The following OSR1 variants were observed in gnomAD, a reference collection of about 807,000 sequenced individuals.
OSR1 encodes the protein protein odd-skipped-related 1.
A neutral mutation model predicts 15.7 loss-of-function variants in OSR1; 3 were observed. The ratio of observed to expected loss-of-function variants is 0.19; its 90% CI spans 0.09 to 0.50. OSR1 has a LOEUF of 0.50. Among genes scored for constraint, OSR1 ranks in the 20% least tolerant of loss-of-function variants. The pLI is 0.97. For synonymous variants in OSR1, 166 were observed against 152.7 expected (o/e 1.09, Z -0.64); for missense variants, 271 against 351.1 (o/e 0.77, Z 1.82).
intron 2 of OSR1, 45 bp downstream of exon 2, chr2:19,353,096 G>T: frequency 6.3e-7 from 1 of 1,597,090 alleles, no homozygotes. Context: ...AGATGGTGAG[G>T]CCAGAGGCAG....
Position 19,353,075 on chromosome 2 carries a change from G to A in OSR1, c.665+66C>T, listed in dbSNP as rs911918365. ...GCCAGTAGGGGGTCTCAAGAACCTC[G>A]TTAGGGAGAAAGATGGTGAGGCCAG... is the stretch of plus-strand genomic sequence containing the variant. On this transcript the variant is annotated intron_variant, in intron 2 of 2. Coordinates refer to ENST00000272223, the MANE Select transcript of OSR1 (RefSeq NM_145260.3). The A allele has an allele frequency of 3.8e-6, 6 of 1,566,078 alleles. No individual in the cohort carries two copies. The African/African-American group carries it at 5.4e-5, about 14-fold the overall frequency.
Position 19,353,137 on chromosome 2 carries a change from G to T in OSR1, c.665+4C>A. ...TCTCTCTTGCGCCACCCGCAGTGCC[G>T]CACCTGTGGTCTCGCAGGTGGTCTT... On this transcript the variant is annotated splice_donor_region_variant and intron_variant, in intron 2 of 2. Coordinates refer to ENST00000272223, the MANE Select transcript of OSR1 (RefSeq NM_145260.3). 6.2e-7 allele frequency: 1 copy of T among 1,612,434 alleles called. No individual in the cohort carries two copies. Among genetic ancestry groups the T allele is most frequent in the Non-Finnish European group, 8.5e-7 (1 of 1,178,606 alleles).
chr2:19,347,298 G>C (rs1341220493), downstream of OSR1, among the ~76,000 whole-genome samples: 1 of 152,156 alleles, frequency 6.6e-6, no homozygotes, highest in African/African-American at 2.4e-5. Flanking sequence ...TTCAAGCAGT[G>C]AATACATTAT....
In OSR1 at chr2:19,357,316, G is replaced by A. The variant is rs907149778; in HGVS notation, c.-33+1025C>T. Among the ~76,000 whole-genome samples the A allele has an allele frequency of 6.6e-5, 10 of 152,196 alleles. No homozygotes were observed. The highest frequency in any genetic ancestry group is 2.2e-4 in the African/African-American group (9 of 41,450). On this transcript the variant is annotated intron_variant, in intron 1 of 2. Coordinates refer to ENST00000272223, the MANE Select transcript of OSR1 (RefSeq NM_145260.3). This position sits in a 1 kb window ranked among gnomAD's most constrained non-coding sequence, Gnocchi z 5.0. ...CTTGCACGTGGTTTTGTTCCGCAGA[G>A]CCAATGCGCAGCTCTTAGCCTGGGT...
Position 19,357,334 on chromosome 2 carries a change from G to T in OSR1, c.-33+1007C>A, listed in dbSNP as rs534849207. ...CCGCAGAGCCAATGCGCAGCTCTTA[G>T]CCTGGGTGAAATTTACCAAATTGTG... On this transcript the variant is annotated intron_variant, in intron 1 of 2. Coordinates refer to ENST00000272223, the MANE Select transcript of OSR1 (RefSeq NM_145260.3). The surrounding 1 kb of genome is among the most constrained non-coding windows in gnomAD (Gnocchi z 5.0). 8.5e-5 allele frequency among the ~76,000 whole-genome samples: 13 copies of T among 152,300 alleles called. No individual in the cohort carries two copies. In the South Asian group the frequency reaches 2.7e-3, roughly 32 times the overall value.
chr2:19,352,334 C>A lies in OSR1; in HGVS notation c.742G>T (p.Val248Phe). Reference sequence around the variant, plus strand: ...ACCTGTGAGTGTAGCGTCTTGTGGACAGCGAGAGTCCTGGACTGGCAGAAT... The same window carrying A: ...ACCTGTGAGTGTAGCGTCTTGTGGAAAGCGAGAGTCCTGGACTGGCAGAAT... Reference protein sequence around the residue: ...KGFCQSRTLAVHKTLHSQVKE... With the variant: ...KGFCQSRTLAFHKTLHSQVKE... Residue 248 changes from valine (V) to phenylalanine (F), a missense_variant, in exon 3 of 3, where the codon GTC (valine) becomes TTC (phenylalanine). Physicochemically the swap from Val to Phe is conservative, Grantham distance 50. Coordinates refer to ENST00000272223, the MANE Select transcript of OSR1 (RefSeq NM_145260.3). The A allele has an allele frequency of 6.2e-7, 1 of 1,614,172 alleles. No individual in the cohort carries two copies.
intron 1 of OSR1, chr2:19,356,319 G>A (rs1052861658): frequency 4.6e-5 from 7 of 152,216 alleles, no homozygotes; most frequent in Non-Finnish European, 8.8e-5. Context: ...CTATCTGCCC[G>A]ATCTTGTTTT....
downstream of OSR1, among the ~76,000 whole-genome samples, chr2:19,347,034 C>T (rs12710706): frequency 0.44 from 67,616 of 152,032 alleles, 15,521 homozygotes; most frequent in East Asian, 0.69. Context: ...TTGCTCCCTA[C>T]GTCATTGAAA....
downstream of OSR1, among the ~76,000 whole-genome samples, chr2:19,350,029 T>C (rs1023816688): frequency 2.0e-5 from 3 of 152,188 alleles, no homozygotes; most frequent in African/African-American, 7.2e-5. Context: ...GCCCCAGTTC[T>C]CAGGAATGGG....
rs1664892730 is a variant in OSR1, at chr2:19,353,781, G to T, written c.25C>A (p.Pro9Thr). 6.2e-7 allele frequency: 1 copy of T among 1,611,840 alleles called. No homozygotes were observed. Among genetic ancestry groups the T allele is most frequent in the African/African-American group, 1.3e-5 (1 of 74,908 alleles). Residue 9 changes from proline (P) to threonine (T), a missense_variant, in exon 2 of 3, where the codon CCG becomes ACG. This residue lies in a region of OSR1 where 210 missense variants were observed against 218.4 expected (regional missense o/e 0.96). Coordinates refer to ENST00000272223, the MANE Select transcript of OSR1 (RefSeq NM_145260.3). MGSKTLPAPVPIHPSLQLT... is the reference protein window; with the variant it reads MGSKTLPATVPIHPSLQLT... ...TGCAGGGAAGGGTGGATAGGCACCGGCGCCGGCAAGGTTTTGCTGCCCATT... is the reference window on the plus strand; with the variant it reads ...TGCAGGGAAGGGTGGATAGGCACCGTCGCCGGCAAGGTTTTGCTGCCCATT...
At position 19,358,360 on chromosome 2, in the gene OSR1, G is replaced by C. The variant is rs915943338; in HGVS notation, c.-52C>G. ...AATTACCTTGTTCCGCAGAGGTCCT[G>C]GGGCTGAGCACGTCTCTGGGGCTTT... On this transcript the variant is annotated 5_prime_UTR_variant, in exon 1 of 3. Coordinates refer to ENST00000272223, the MANE Select transcript of OSR1 (RefSeq NM_145260.3). 1 of 152,434 alleles carries C rather than the reference G, an allele frequency of 6.6e-6. No homozygotes were observed. Among genetic ancestry groups the C allele is most frequent in the African/African-American group, 2.4e-5 (1 of 41,472 alleles). 9.4% of individuals were successfully genotyped at this position (152,434 alleles called of 1,614,324 possible).
chr2:19,348,431 C>G (rs1558357727), downstream of OSR1: 1 of 154,266 alleles, frequency 6.5e-6, no homozygotes, highest in Non-Finnish European at 1.5e-5. Context: ...GCCTTGTGTT[C>G]CAGCCCGAGG....
rs554346185 is a variant in OSR1, at chr2:19,353,425, C to T, written c.381G>A (p.Thr127=). 3 of 1,614,098 alleles carry T rather than the reference C, an allele frequency of 1.9e-6. No individual in the cohort carries two copies. The highest frequency in any genetic ancestry group is 2.2e-5 in the South Asian group (2 of 91,078). Residue 127 remains threonine (T), a synonymous_variant, in exon 2 of 3, where the codon ACG becomes ACA. Transcript: ENST00000272223. ...GACCGAGCTTGGCCGGATCTTCTTG[C>T]GTTGCTGCCAAGGCCAGGTTGGCAA... ...FDFANLALAA[T]QEDPAKLGRG... is the part of the protein sequence containing the mutation.
At chr2:19,348,096 G>C (rs1011680775), downstream of OSR1, among the ~76,000 whole-genome samples, 1 of 152,170 alleles carries the variant, frequency 6.6e-6, no homozygotes, top group African/African-American at 2.4e-5. Flanking sequence ...CGCAGTGGGC[G>C]CGGCCATAGT....
rs749269990 is a variant in OSR1, at chr2:19,352,410, T to C, written c.666A>G (p.Arg222=). The part of the protein sequence containing the change: ...FRRQDHLRDH[R]YIHSKEKPFK... ...AGGGCTTCTCTTTGGAGTGAATATA[T>C]CTGAGGGCAGAAACAGAGAGTTCAT... is the stretch of plus-strand genomic sequence containing the variant. Residue 222 remains arginine (R), a splice_region_variant and synonymous_variant, in exon 3 of 3, where the codon AGA becomes AGG. Coordinates refer to ENST00000272223, the MANE Select transcript of OSR1 (RefSeq NM_145260.3). The C allele has an allele frequency of 6.2e-7, 1 of 1,614,066 alleles. No homozygotes were observed. Among genetic ancestry groups the C allele is most frequent in the East Asian group, 2.2e-5 (1 of 44,884 alleles).
downstream of OSR1, among the ~76,000 whole-genome samples, chr2:19,349,958 G>T (rs1429939911): frequency 1.3e-5 from 2 of 152,052 alleles, no homozygotes; most frequent in African/African-American, 2.4e-5. Flanking sequence ...CGCCGCTTGG[G>T]CGCAGACCGT....
At position 19,357,749 on chromosome 2, in the gene OSR1, AAGTT is replaced by A. The variant is rs1489021914; in HGVS notation, c.-33+588_-33+591del. The A allele has an allele frequency of 2.6e-5, 4 of 152,224 alleles. No homozygotes were observed. Among genetic ancestry groups the A allele is most frequent in the African/African-American group, 9.7e-5 (4 of 41,444 alleles). The allele number at this position is 152,224 out of a possible 1,614,324, so 9.4% of individuals were successfully genotyped here. On this transcript the variant is annotated intron_variant, in intron 1 of 2. Transcript: ENST00000272223. The surrounding 1 kb of genome is among the most constrained non-coding windows in gnomAD (Gnocchi z 5.0). ...CAATCATCCTATGGAGAATATCCCTAAGTTAGAGCGCGAGTGCAAGGCGGGGTTC... is the reference window on the plus strand; with the variant it reads ...CAATCATCCTATGGAGAATATCCCTAAGAGCGCGAGTGCAAGGCGGGGTTC...
In OSR1 at chr2:19,357,042, G is replaced by C. The variant is rs1664963792; in HGVS notation, c.-33+1299C>G. ...TGACAGGCGTCCGGACCCCCGTGAA[G>C]AGGACTGACCGGCACCGGATACTTC... On this transcript the variant is annotated intron_variant, in intron 1 of 2. Coordinates refer to ENST00000272223, the MANE Select transcript of OSR1 (RefSeq NM_145260.3). This position sits in a 1 kb window ranked among gnomAD's most constrained non-coding sequence, Gnocchi z 5.0. 1 of 152,176 alleles carries C rather than the reference G, an allele frequency of 6.6e-6. No individual in the cohort carries two copies. Among genetic ancestry groups the C allele is most frequent in the Non-Finnish European group, 1.5e-5 (1 of 68,046 alleles). 9.4% of individuals were successfully genotyped at this position (152,176 alleles called of 1,614,324 possible).
chr2:19,353,765 G>A lies in OSR1; in HGVS notation c.41C>T (p.Pro14Leu). Residue 14 changes from proline to leucine, a missense_variant, in exon 2 of 3, where the codon CCT becomes CTT. Pro to Leu is a moderately conservative substitution (Grantham distance 98, BLOSUM62 -3). Coordinates refer to ENST00000272223, the MANE Select transcript of OSR1 (RefSeq NM_145260.3). Reference sequence around the variant, plus strand: ...GGAGTAGTTGGTGAGCTGCAGGGAAGGGTGGATAGGCACCGGCGCCGGCAA... The same window carrying A: ...GGAGTAGTTGGTGAGCTGCAGGGAAAGGTGGATAGGCACCGGCGCCGGCAA... ...KTLPAPVPIH[P>L]SLQLTNYSFL... The A allele has an allele frequency of 6.2e-7, 1 of 1,613,390 alleles. No individual in the cohort carries two copies. Among genetic ancestry groups the A allele is most frequent in the Non-Finnish European group, 8.5e-7 (1 of 1,179,518 alleles).
Sources: allele counts gnomAD v4.1 joint callset (sites outside exome capture counted in the v4.1 genomes callset), GRCh38; gene constraint gnomAD v4.1.1; regional missense constraint gnomAD v4.1.1; non-coding constraint Gnocchi (gnomAD v3.1); transcripts MANE v1.5; gene names NCBI Gene and HGNC (gene_info 2026-07-23, HGNC 2026-07-21).